TESMIN: variants seen among roughly 807,000 people sequenced by gnomAD.
TESMIN encodes the protein CXC domain containing 2.
Under a neutral mutation model 47.4 loss-of-function variants are expected in TESMIN, and 34 were observed. The ratio of observed to expected loss-of-function variants is 0.72; its 90% confidence interval spans 0.55 to 0.96. The LOEUF (loss-of-function observed/expected upper bound fraction) is 0.96, where lower values mean the gene tolerates loss of function less well. Among genes scored for constraint, TESMIN ranks in the 40% least tolerant of loss-of-function variants. TESMIN has a pLI of 0.00. For missense variants in TESMIN, 610 were observed against 637.2 expected, an observed-to-expected ratio of 0.96 and a Z score of 0.46; for synonymous variants, 278 against 258.9, an observed-to-expected ratio of 1.07 and a Z score of -0.71.
chr11:68,716,433 C>T (rs1050303160), intron 6 of TESMIN, among the ~76,000 whole-genome samples: 3 of 152,244 alleles, frequency 2.0e-5, no homozygotes, highest in African/African-American at 7.2e-5. Context: ...CCTTAACTCG[C>T]TTTCATTCTG....
Position 68,742,359 on chromosome 11 carries a change from A to G in TESMIN, c.787T>C (p.Phe263Leu). The G allele has an allele frequency of 6.2e-7, 1 of 1,603,648 alleles. No homozygotes were observed. Among genetic ancestry groups the G allele is most frequent in the Non-Finnish European group, 8.5e-7 (1 of 1,173,148 alleles). The change falls in exon 5 of 10, where the codon TTT becomes CTT. Residue 263 changes from phenylalanine (F) to leucine (L), a missense_variant. By Grantham distance (22) the Phe-to-Leu change is conservative. Coordinates refer to ENST00000255087, the MANE Select transcript of TESMIN (RefSeq NM_004923.3). ...TTTAATTTTGTTGATGCTGGCAAAA[A>G]TCTCCCTACTAAAGCAGTCATTGGT... ...PKPMTALVGRFLPASTKLNLI... is the reference protein window; with the variant it reads ...PKPMTALVGRLLPASTKLNLI...
At chr11:68,740,177 C>T (rs905306641) in intron 5 of TESMIN, among the ~76,000 whole-genome samples, 5 of 152,118 alleles carry the variant, frequency 3.3e-5, no homozygotes, top group Admixed American at 6.5e-5. Flanking sequence ...TTCAGGGGGT[C>T]TGAATCCCAG....
chr11:68,750,368 G>C lies in TESMIN; in HGVS notation c.293C>G (p.Pro98Arg), dbSNP rs891209092. 2 of 1,512,208 alleles carry C rather than the reference G, an allele frequency of 1.3e-6. No homozygotes were observed. Among genetic ancestry groups the C allele is most frequent in the Non-Finnish European group, 1.8e-6 (2 of 1,128,078 alleles). The allele number at this position is 1,512,208 out of a possible 1,614,324, so 93.7% of individuals were successfully genotyped here. A position where few individuals can be genotyped will look rare whatever the true frequency, so the allele number is the denominator to read the frequency against. Residue 98 changes from proline (P) to arginine (R), a missense_variant, in exon 2 of 10, where the codon CCC (proline) becomes CGC (arginine). Transcript: ENST00000255087. ...SDGGELLGEY[P>R]GIPELSALED... ...CAGCGCGCTGAGCTCTGGGATCCCG[G>C]GGTACTCCCCGAGGAGCTCCCCGCC...
intron 6 of TESMIN, among the ~76,000 whole-genome samples, chr11:68,724,934 C>T (rs753552246): frequency 4.6e-5 from 7 of 152,156 alleles, no homozygotes; most frequent in Non-Finnish European, 1.0e-4. Flanking sequence ...AGGAATTCAA[C>T]AGTGCCCCAG....
At position 68,711,073 on chromosome 11, in the gene TESMIN, A is replaced by G. The variant is rs148548935; in HGVS notation, c.1159-24T>C. On this transcript the variant is annotated intron_variant, in intron 8 of 9. Coordinates refer to ENST00000255087, the MANE Select transcript of TESMIN (RefSeq NM_004923.3). ...GCCTGGTAATATAAAATGCTTCAAT[A>G]AAATTAGGTTGTCTCACAAGTCATC... The G allele has an allele frequency of 1.4e-3, 2,260 of 1,563,494 alleles. 2 individuals are homozygous for G. The highest frequency in any genetic ancestry group is 5.6e-3 in the Middle Eastern group (33 of 5,880).
At chr11:68,748,894 G>A (rs575115489) in intron 2 of TESMIN, among the ~76,000 whole-genome samples, 2 of 152,304 alleles carry the variant, frequency 1.3e-5, no homozygotes, top group East Asian at 1.9e-4. Context: ...GGAGTGCAGT[G>A]GTGCAATCTC....
chr11:68,740,635 G>A (rs1334621012), intron 5 of TESMIN, among the ~76,000 whole-genome samples: 1 of 152,166 alleles, frequency 6.6e-6, no homozygotes, highest in South Asian at 2.1e-4. Context: ...GCCAGATCCC[G>A]ACTTACACTC....
intron 6 of TESMIN, among the ~76,000 whole-genome samples, chr11:68,717,141 C>A (rs1438649323): frequency 6.6e-6 from 1 of 152,254 alleles, no homozygotes; most frequent in Non-Finnish European, 1.5e-5. Flanking sequence ...AATTCCCAAA[C>A]ACAATTCTTT....
chr11:68,730,566 G>A (rs369667940), intron 6 of TESMIN, among the ~76,000 whole-genome samples: 2 of 152,166 alleles, frequency 1.3e-5, no homozygotes, highest in Admixed American at 6.5e-5. Context: ...ATGCCATGGC[G>A]GGCAGATCAC....
rs1351417760 is a variant in TESMIN at position 68,738,613 on chromosome 11, TTATAG to T, written c.917+82_917+86del. ...ATGAAGGTGTGCAGTGAAGCTCATTTTATAGTATAGAAGAAAATCGTGAACGTATC... is the reference window on the plus strand; with the variant it reads ...ATGAAGGTGTGCAGTGAAGCTCATTTTATAGAAGAAAATCGTGAACGTATC... On this transcript the variant is annotated intron_variant, in intron 6 of 9. Coordinates refer to ENST00000255087, the MANE Select transcript of TESMIN (RefSeq NM_004923.3). The T allele has an allele frequency of 3.8e-6, 6 of 1,576,328 alleles. No homozygotes were observed. The Admixed American group carries it at 7.2e-5, about 19-fold the overall frequency.
In TESMIN at chr11:68,710,893, G is replaced by A. The variant is rs1268104477; in HGVS notation, c.1315C>T (p.Pro439Ser). The change falls in exon 9 of 10, where the codon CCA (proline) becomes TCA (serine). Residue 439 changes from proline to serine, a missense_variant. Coordinates refer to ENST00000255087, the MANE Select transcript of TESMIN (RefSeq NM_004923.3). ...YLPPTKFSGLPRFSHDRRPSS... is the reference protein window; with the variant it reads ...YLPPTKFSGLSRFSHDRRPSS... ...ACCTACCTATCGTGACTGAATCTTGGAAGTCCTGAAAATTTCGTTGGTGGC... is the reference window on the plus strand; with the variant it reads ...ACCTACCTATCGTGACTGAATCTTGAAAGTCCTGAAAATTTCGTTGGTGGC... 1 of 1,613,062 alleles carries A rather than the reference G, an allele frequency of 6.2e-7. No individual in the cohort carries two copies. The highest frequency in any genetic ancestry group is 8.5e-7 in the Non-Finnish European group (1 of 1,179,748).
chr11:68,750,245 G>A lies in TESMIN; in HGVS notation c.416C>T (p.Pro139Leu). The change falls in exon 2 of 10, where the codon CCC becomes CTC. Residue 139 changes from proline (P) to leucine (L), a missense_variant. Coordinates refer to ENST00000255087, the MANE Select transcript of TESMIN (RefSeq NM_004923.3). ...LPAHRSPAVL[P>L]LGAWVLEGAS... is the part of the protein sequence containing the mutation. ...TCCTTCCAGGACCCAGGCGCCCAGG[G>A]GCAACACCGCCGGGCTGCGGTGCGC... 1 of 1,537,080 alleles carries A rather than the reference G, an allele frequency of 6.5e-7. No homozygotes were observed. The highest frequency in any genetic ancestry group is 8.7e-7 in the Non-Finnish European group (1 of 1,152,254).
intron 6 of TESMIN, among the ~76,000 whole-genome samples, chr11:68,724,051 T>C (rs1946233459): frequency 6.6e-6 from 1 of 152,156 alleles, no homozygotes; most frequent in South Asian, 2.1e-4. Flanking sequence ...CGCATTTTAT[T>C]AGGCAATACA....
rs1056026807 is a variant in TESMIN, at chr11:68,737,661, C to A, written c.917+1039G>T. ...GGCAGGCCGGGCACGCCTGTAATCC[C>A]AGCACTTTGGGAGGCTGAGATGGGC... is the stretch of plus-strand genomic sequence containing the variant. On this transcript the variant is annotated intron_variant, in intron 6 of 9. Coordinates refer to ENST00000255087, the MANE Select transcript of TESMIN (RefSeq NM_004923.3). 6 of 985,540 alleles carry A rather than the reference C, an allele frequency of 6.1e-6. No individual in the cohort carries two copies. The African/African-American group carries it at 1.0e-4, about 17-fold the overall frequency. 61.0% of individuals were successfully genotyped at this position (985,540 alleles called of 1,614,324 possible).
chr11:68,737,248 A>T, intron 6 of TESMIN: 1 of 985,488 alleles, frequency 1.0e-6, no homozygotes, highest in Non-Finnish European at 1.2e-6. Flanking sequence ...CCAGAGAGTG[A>T]AGCAAGCAGC....
intron 6 of TESMIN, among the ~76,000 whole-genome samples, chr11:68,720,596 G>A (rs769971450): frequency 5.3e-5 from 8 of 151,996 alleles, no homozygotes; most frequent in South Asian, 2.1e-4. Context: ...CTTCACCCAC[G>A]GTCTTCATCT....
chr11:68,744,892 A>C, intron 4 of TESMIN, 99 bp downstream of exon 4: 1 of 1,024,632 alleles, frequency 9.8e-7, no homozygotes, highest in Non-Finnish European at 1.4e-6. Flanking sequence ...TTTCCTATTT[A>C]ATATCCTGGT....
In TESMIN at chr11:68,707,525, T is replaced by A; in HGVS notation, c.*783A>T. The A allele has an allele frequency of 5.5e-6, 1 of 182,348 alleles. No individual in the cohort carries two copies. Among genetic ancestry groups the A allele is most frequent in the Non-Finnish European group, 1.2e-5 (1 of 83,962 alleles). 11.3% of individuals were successfully genotyped at this position (182,348 alleles called of 1,614,324 possible). ...TAAGAATTCATTTTACCTGCTGGTTTCCACAAGCTAGTTATGTGAACCATG... is the reference window on the plus strand; with the variant it reads ...TAAGAATTCATTTTACCTGCTGGTTACCACAAGCTAGTTATGTGAACCATG... On this transcript the variant is annotated 3_prime_UTR_variant, in exon 10 of 10. Coordinates refer to ENST00000255087, the MANE Select transcript of TESMIN (RefSeq NM_004923.3).
chr11:68,725,972 G>A (rs1594291698), intron 6 of TESMIN, among the ~76,000 whole-genome samples: 1 of 152,200 alleles, frequency 6.6e-6, no homozygotes, highest in East Asian at 1.9e-4. Flanking sequence ...GACCTCTGAA[G>A]CATCTGCTGA....
Sources: allele counts gnomAD v4.1 joint callset (sites outside exome capture counted in the v4.1 genomes callset), GRCh38; gene constraint gnomAD v4.1.1; transcripts MANE v1.5; gene names NCBI Gene and HGNC (gene_info 2026-07-23, HGNC 2026-07-21).